Variants in ZNF280D observed in about 807,000 individuals in gnomAD.
The protein encoded by ZNF280D is suppressor of hairy wing homolog 4.
ZNF280D carries 39 observed loss-of-function variants against 94.7 expected under a neutral mutation model. The observed-to-expected ratio is 0.41, with a 90% CI of 0.32 to 0.54. The LOEUF is 0.54. Among genes scored for constraint, ZNF280D ranks in the 20% least tolerant of loss-of-function variants. The pLI, the probability that ZNF280D is intolerant of heterozygous loss-of-function variation, is 0.22. For synonymous variants in ZNF280D, 398 were observed against 377.6 expected (o/e 1.05, Z -0.63); for missense variants, 1,090 against 1,149.3 (o/e 0.95, Z 0.75).
intron 6 of ZNF280D, among the ~76,000 whole-genome samples, chr15:56,696,530 T>G (rs1356047613): frequency 6.6e-6 from 1 of 152,186 alleles, no homozygotes; most frequent in Non-Finnish European, 1.5e-5. Flanking sequence ...GCACTTAAGC[T>G]ATATCACATT....
At chr15:56,732,598 G>A (rs1215373610) in intron 1 of ZNF280D, 2 of 151,998 alleles carry the variant, frequency 1.3e-5, no homozygotes, top group African/African-American at 2.4e-5. Flanking sequence ...TATTTAAGAT[G>A]ACAGATTTTT....
In ZNF280D at chr15:56,654,190, A is replaced by C. The variant is rs1014187837; in HGVS notation, c.2213+8T>G. ...AAGTAAAATGCACTGAATAAAAATT[A>C]AACTTACTCAGAAAGGTGCTCAGAA... On this transcript the variant is annotated splice_region_variant and intron_variant, in intron 19 of 21. Coordinates refer to ENST00000267807, the MANE Select transcript of ZNF280D (RefSeq NM_017661.4). 5.0e-6 allele frequency: 8 copies of C among 1,604,872 alleles called. No individual in the cohort carries two copies. Among genetic ancestry groups the C allele is most frequent in the Non-Finnish European group, 6.8e-6 (8 of 1,177,714 alleles).
intron 10 of ZNF280D, among the ~76,000 whole-genome samples, chr15:56,679,583 G>A (rs1358658321): frequency 6.6e-6 from 1 of 152,096 alleles, no homozygotes; most frequent in Non-Finnish European, 1.5e-5. Context: ...ATGGCAGAGG[G>A]TGCAATATAA....
chr15:56,678,733 G>A lies in ZNF280D; in HGVS notation c.1093C>T (p.Arg365Cys), dbSNP rs2055418383. 2 of 1,613,116 alleles carry A rather than the reference G, an allele frequency of 1.2e-6. No homozygotes were observed. Among genetic ancestry groups the A allele is most frequent in the Non-Finnish European group, 1.7e-6 (2 of 1,179,474 alleles). ...ENHTTCQHCY[R>C]QFPTPFQLQC... The stretch of plus-strand genomic sequence containing the variant: ...AACTGAAATGGTGTGGGAAACTGAC[G>A]GTAGCAGTGCTGGCAGGTGGTATGG... Residue 365 changes from arginine (R) to cysteine (C), a missense_variant, in exon 11 of 22, where the codon CGT becomes TGT. This residue lies in a region of ZNF280D where 127 missense variants were observed against 208.6 expected (regional missense o/e 0.61). Transcript: ENST00000267807.
chr15:56,710,051 C>A (rs1194496316), intron 1 of ZNF280D, among the ~76,000 whole-genome samples: 1 of 152,130 alleles, frequency 6.6e-6, no homozygotes, highest in Non-Finnish European at 1.5e-5. Context: ...GAGAATACAT[C>A]CAACAAAGAT....
chr15:56,717,046 T>C (rs962821160), intron 1 of ZNF280D, among the ~76,000 whole-genome samples: 14 of 152,102 alleles, frequency 9.2e-5, no homozygotes, highest in Non-Finnish European at 1.8e-4. Flanking sequence ...CCAGCTATGA[T>C]TGGAGTTGGT....
chr15:56,707,467 T>G lies in ZNF280D; in HGVS notation c.-85-161A>C, dbSNP rs190171202. ...GGTTCATTCCTGAATAAACCCAAAT[T>G]TAATAAATAAATGGTGATTATACTT... On this transcript the variant is annotated intron_variant, in intron 1 of 21. Coordinates refer to ENST00000267807, the MANE Select transcript of ZNF280D (RefSeq NM_017661.4). 8.1e-5 allele frequency: 29 copies of G among 358,404 alleles called. No individual in the cohort carries two copies. In the East Asian group the frequency reaches 2.1e-3, roughly 25 times the overall value. 22.2% of individuals were successfully genotyped at this position (358,404 alleles called of 1,614,324 possible). A position where few individuals can be genotyped will look rare whatever the true frequency, so the allele number is the denominator to read the frequency against.
Position 56,631,607 on chromosome 15 carries a change from G to C in ZNF280D, c.2831C>G (p.Ala944Gly), listed in dbSNP as rs1193213451. ...ILQKGSGDPS[A>G]KTDEVVSDQT... ...ATCAGACACTACTTCATCAGTCTTG[G>C]CTGAAGGATCACCACTACCTTTCTG... Residue 944 changes from alanine to glycine, a missense_variant, in exon 22 of 22, where the codon GCC becomes GGC. Coordinates refer to ENST00000267807, the MANE Select transcript of ZNF280D (RefSeq NM_017661.4). The C allele has an allele frequency of 1.2e-6, 2 of 1,614,072 alleles. No individual in the cohort carries two copies. The highest frequency in any genetic ancestry group is 1.7e-6 in the Non-Finnish European group (2 of 1,180,004).
At position 56,682,392 on chromosome 15, in the gene ZNF280D, T is replaced by C. The variant is rs773480302; in HGVS notation, c.866A>G (p.Asp289Gly). Residue 289 changes from aspartate to glycine, a missense_variant, in exon 10 of 22, where the codon GAT becomes GGT. Asp to Gly is a moderately conservative substitution (Grantham distance 94). This residue lies in a region of ZNF280D where 386 missense variants were observed against 372.0 expected (regional missense o/e 1.04). Transcript: ENST00000267807. ...SSTVNKNTTI[D>G]SEKGKLIMLV... ...CATGATCAATTTTCCTTTCTCTGAA[T>C]CAATAGTTGTGTTTTTATTTACTGT... is the stretch of plus-strand genomic sequence containing the variant. 6.3e-7 allele frequency: 1 copy of C among 1,588,970 alleles called. No individual in the cohort carries two copies. Among genetic ancestry groups the C allele is most frequent in the Non-Finnish European group, 8.5e-7 (1 of 1,173,598 alleles).
intron 4 of ZNF280D, among the ~76,000 whole-genome samples, chr15:56,703,838 G>C (rs2057235333): frequency 6.7e-6 from 1 of 149,340 alleles, no homozygotes; most frequent in Non-Finnish European, 1.5e-5. Flanking sequence ...TAGCGACAGA[G>C]TGAGACCCTG....
At chr15:56,708,366 G>C (rs940844136) in intron 1 of ZNF280D, among the ~76,000 whole-genome samples, 6 of 152,060 alleles carry the variant, frequency 3.9e-5, no homozygotes, top group African/African-American at 2.4e-5. Context: ...CTCAATTTTT[G>C]AATAGCTGTA....
intron 1 of ZNF280D, among the ~76,000 whole-genome samples, chr15:56,722,042 G>C (rs1415921937): frequency 6.6e-6 from 1 of 152,026 alleles, no homozygotes; most frequent in Non-Finnish European, 1.5e-5. Context: ...GTTATTAATT[G>C]GCCTAATTTC....
At chr15:56,700,197 A>G (rs2056979142) in intron 6 of ZNF280D, 1 of 975,292 alleles carries the variant, frequency 1.0e-6, no homozygotes, top group Non-Finnish European at 1.2e-6. Context: ...TACACAACAT[A>G]TATGTATGTA....
chr15:56,679,002 A>T (rs1415532955), intron 10 of ZNF280D, among the ~76,000 whole-genome samples, 181 bp from the exon 11 acceptor site: 3 of 152,224 alleles, frequency 2.0e-5, no homozygotes, highest in African/African-American at 7.2e-5. Flanking sequence ...GTGGCTAAGT[A>T]AACATCTTTT....
At chr15:56,728,539 T>A (rs1269149303) in intron 1 of ZNF280D, among the ~76,000 whole-genome samples, 1 of 152,168 alleles carries the variant, frequency 6.6e-6, no homozygotes, top group African/African-American at 2.4e-5. Context: ...CAAAAATTCT[T>A]CCAGTATTGC....
At chr15:56,672,194 T>C (rs545027655) in intron 13 of ZNF280D, among the ~76,000 whole-genome samples, 2 of 152,280 alleles carry the variant, frequency 1.3e-5, no homozygotes, top group East Asian at 3.9e-4. Context: ...CTGATTGCCC[T>C]GGCCAGAACT....
intron 4 of ZNF280D, among the ~76,000 whole-genome samples, chr15:56,703,391 ATTT>A (rs1407416370): frequency 1.3e-5 from 2 of 152,188 alleles, no homozygotes; most frequent in Non-Finnish European, 2.9e-5. Flanking sequence ...CCACCTATAC[ATTT>A]TGTAGCCACG....
chr15:56,647,018 C>G (rs1360744128), intron 19 of ZNF280D, among the ~76,000 whole-genome samples: 1 of 152,100 alleles, frequency 6.6e-6, no homozygotes, highest in Non-Finnish European at 1.5e-5. Flanking sequence ...CAAAGTAGTC[C>G]AAGATGAAAC....
chr15:56,649,955 T>G (rs1410366583), intron 19 of ZNF280D, among the ~76,000 whole-genome samples: 1 of 152,122 alleles, frequency 6.6e-6, no homozygotes, highest in African/African-American at 2.4e-5. Context: ...TATTTCACCT[T>G]GAGAATAGGT....
Sources: gnomAD v4.1 joint callset for allele counts (sites outside exome capture counted in the v4.1 genomes callset) on GRCh38, gnomAD v4.1.1 for gene constraint, gnomAD v4.1.1 regional missense constraint, MANE v1.5 for transcripts, NCBI Gene and HGNC (gene_info 2026-07-23, HGNC 2026-07-21) for gene names.